FHIP2A: variants seen among roughly 807,000 people sequenced by gnomAD.
The protein encoded by FHIP2A is FHF complex subunit HOOK interacting protein 2A.
Under a neutral mutation model 93.5 loss-of-function variants are expected in FHIP2A, and 46 were observed. The ratio of observed to expected loss-of-function variants is 0.49; its 90% CI spans 0.39 to 0.63. The LOEUF is 0.63. Among genes scored for constraint, FHIP2A ranks in the 20% least tolerant of loss-of-function variants. The pLI is 0.00. For synonymous variants in FHIP2A, 332 were observed against 326.5 expected, an observed-to-expected ratio of 1.02 and a Z score of -0.18; for missense variants, 769 against 909.7, an observed-to-expected ratio of 0.85 and a Z score of 1.99.
intron 5 of FHIP2A, among the ~76,000 whole-genome samples, chr10:114,839,881 C>CAAAAAAAAAAAA (rs10612399): frequency 2.1e-5 from 2 of 95,566 alleles, no homozygotes; most frequent in African/African-American, 4.0e-5. Flanking sequence ...GACTCTGTCT[C>CAAAAAAAAAAAA]AAAAAAAAAA....
At chr10:114,861,135 A>G in intron 15 of FHIP2A, 96 bp from the exon 16 acceptor site, 1 of 1,497,052 alleles carries the variant, frequency 6.7e-7, no homozygotes, top group Non-Finnish European at 9.0e-7. Flanking sequence ...TACGTTCTTT[A>G]TTAAATAGTA....
At chr10:114,885,634 A>G (rs2083939269) in intron 16 of FHIP2A, among the ~76,000 whole-genome samples, 1 of 152,182 alleles carries the variant, frequency 6.6e-6, no homozygotes, top group Non-Finnish European at 1.5e-5. Context: ...CTCAGCTGTA[A>G]TCACCATTTG....
In FHIP2A at chr10:114,862,251, A is replaced by C; in HGVS notation, c.*711A>C. 1.0e-6 allele frequency: 1 copy of C among 986,344 alleles called. No homozygotes were observed. The highest frequency in any genetic ancestry group is 4.7e-5 in the South Asian group (1 of 21,316). The allele number at this position is 986,344 out of a possible 1,614,324, so 61.1% of individuals were successfully genotyped here. ...TTCATGTGTGGGTCCCAGTTTATTT[A>C]AACTGTGTCGTTTTCGCAGCAGTGT... On this transcript the variant is annotated 3_prime_UTR_variant, in exon 17 of 17. Coordinates refer to ENST00000369248, the MANE Select transcript of FHIP2A (RefSeq NM_020940.4).
At chr10:114,853,275 AT>A (rs1411154250) in intron 13 of FHIP2A, among the ~76,000 whole-genome samples, 1 of 152,236 alleles carries the variant, frequency 6.6e-6, no homozygotes, top group Non-Finnish European at 1.5e-5. Context: ...TTGAAAGAGA[AT>A]TTTAAAATTT....
chr10:114,843,287 T>C, intron 6 of FHIP2A, 61 bp downstream of exon 6: 1 of 1,080,564 alleles, frequency 9.3e-7, no homozygotes, highest in East Asian at 3.1e-5. Context: ...TATTTATTTA[T>C]TTTTTTAATT....
At chr10:114,823,836 A>G (rs1044883148) in intron 1 of FHIP2A, among the ~76,000 whole-genome samples, 2 of 152,090 alleles carry the variant, frequency 1.3e-5, no homozygotes, top group Non-Finnish European at 2.9e-5. Flanking sequence ...ATACTTGGGA[A>G]CACTTAATGA....
At chr10:114,841,853 G>T (rs1411332984) in intron 5 of FHIP2A, among the ~76,000 whole-genome samples, 3 of 152,144 alleles carry the variant, frequency 2.0e-5, no homozygotes, top group Non-Finnish European at 2.9e-5. Flanking sequence ...TAACCTACTT[G>T]TGTAATCTGA....
At chr10:114,891,250 A>G (rs2083972441) in intron 16 of FHIP2A, among the ~76,000 whole-genome samples, 1 of 141,900 alleles carries the variant, frequency 7.0e-6, no homozygotes, top group Admixed American at 7.1e-5. Flanking sequence ...ATGCATATAG[A>G]AGTGTTTACT....
At chr10:114,827,593 C>T (rs1337677618) in intron 1 of FHIP2A, among the ~76,000 whole-genome samples, 7 of 152,056 alleles carry the variant, frequency 4.6e-5, no homozygotes, top group Non-Finnish European at 7.4e-5. Flanking sequence ...GTCAGGAGAT[C>T]GAGACCATCC....
rs1359110819 is a variant in FHIP2A at position 114,861,380 on chromosome 10, C to G, written c.2192+46C>G. On this transcript the variant is annotated intron_variant, in intron 16 of 16. Coordinates refer to ENST00000369248, the MANE Select transcript of FHIP2A (RefSeq NM_020940.4). ...TTTTTAATCCAAAAATTTCAGTGAA[C>G]TTAATGATCGGCTGCTATCTTGAAT... 3 of 1,613,854 alleles carry G rather than the reference C, an allele frequency of 1.9e-6. No homozygotes were observed. The Admixed American group carries it at 5.0e-5, about 27-fold the overall frequency.
At position 114,843,031 on chromosome 10, in the gene FHIP2A, C is replaced by G; in HGVS notation, c.621C>G (p.Ser207=). The G allele has an allele frequency of 6.2e-7, 1 of 1,613,806 alleles. No individual in the cohort carries two copies. Residue 207 remains serine, a synonymous_variant, in exon 6 of 17, where the codon TCC becomes TCG. Coordinates refer to ENST00000369248, the MANE Select transcript of FHIP2A (RefSeq NM_020940.4). The part of the protein sequence containing the change: ...QDSLSTDTGQ[S]RQPEELSGAT... Reference sequence around the variant, plus strand: ...CCTTGTCAACAGATACAGGACAGTCCCGTCAACCAGAGGAACTATCTGGTG... The same window carrying G: ...CCTTGTCAACAGATACAGGACAGTCGCGTCAACCAGAGGAACTATCTGGTG...
chr10:114,841,761 G>A (rs879404292), intron 5 of FHIP2A, among the ~76,000 whole-genome samples: 38 of 152,148 alleles, frequency 2.5e-4, no homozygotes, highest in Non-Finnish European at 4.4e-4. Flanking sequence ...TATAACTTTG[G>A]AAGTAGAACC....
chr10:114,862,265 T>C lies in FHIP2A; in HGVS notation c.*725T>C. The C allele has an allele frequency of 2.0e-6, 2 of 986,916 alleles. No individual in the cohort carries two copies. Among genetic ancestry groups the C allele is most frequent in the Non-Finnish European group, 2.4e-6 (2 of 830,116 alleles). 61.1% of individuals were successfully genotyped at this position (986,916 alleles called of 1,614,324 possible). ...CCAGTTTATTTAAACTGTGTCGTTT[T>C]CGCAGCAGTGTTCAATTTGCTCACC... On this transcript the variant is annotated 3_prime_UTR_variant, in exon 17 of 17. Transcript: ENST00000369248.
intron 13 of FHIP2A, among the ~76,000 whole-genome samples, chr10:114,851,014 A>G (rs1295717913): frequency 6.6e-6 from 1 of 152,110 alleles, no homozygotes. Context: ...CCTGGGTTCA[A>G]GCAATCCTCC....
At chr10:114,888,134 A>G (rs1353792446) in intron 16 of FHIP2A, among the ~76,000 whole-genome samples, 1 of 152,226 alleles carries the variant, frequency 6.6e-6, no homozygotes, top group Non-Finnish European at 1.5e-5. Context: ...CGAGGGTGTC[A>G]GTAACACCAC....
At chr10:114,837,950 A>C (rs1004279829) in intron 5 of FHIP2A, among the ~76,000 whole-genome samples, 2 of 152,194 alleles carry the variant, frequency 1.3e-5, no homozygotes, top group African/African-American at 4.8e-5. Context: ...GTTTTTTACA[A>C]TTGTTAATGA....
intron 13 of FHIP2A, among the ~76,000 whole-genome samples, chr10:114,851,840 T>A (rs1442606080): frequency 1.3e-5 from 2 of 152,058 alleles, no homozygotes; most frequent in Admixed American, 1.3e-4. Flanking sequence ...CACCGGATGT[T>A]TTTCCATTTA....
intron 16 of FHIP2A, among the ~76,000 whole-genome samples, chr10:114,874,965 A>G (rs547199634): frequency 3.7e-4 from 56 of 152,356 alleles, no homozygotes; most frequent in South Asian, 3.5e-3. Flanking sequence ...TAACACAGGA[A>G]AACCCACGTT....
intron 16 of FHIP2A, among the ~76,000 whole-genome samples, chr10:114,878,066 C>T (rs1051194160): frequency 6.6e-6 from 1 of 152,014 alleles, no homozygotes; most frequent in African/African-American, 2.4e-5. Context: ...TCTAGAATCC[C>T]TCTATTTCTA....
Sources: allele counts gnomAD v4.1 joint callset (sites outside exome capture counted in the v4.1 genomes callset), GRCh38; gene constraint gnomAD v4.1.1; transcripts MANE v1.5; gene names NCBI Gene and HGNC (gene_info 2026-07-23, HGNC 2026-07-21).